Variants in ADGRL2 observed in about 807,000 individuals in gnomAD.
ADGRL2 encodes adhesion G protein-coupled receptor L2, also known as calcium-independent alpha-latrotoxin receptor 2.
ADGRL2 carries 44 observed loss-of-function variants against 157.4 expected under a neutral mutation model. The ratio of observed to expected loss-of-function variants is 0.28; its 90% CI spans 0.22 to 0.36. ADGRL2 has a LOEUF of 0.36. ADGRL2 is among the 10% of genes least tolerant of loss of function. The pLI is 1.00. For missense variants in ADGRL2, 1,510 were observed against 1,768.9 expected, an observed-to-expected ratio of 0.85 and a Z score of 2.63; for synonymous variants, 585 against 624.7, an observed-to-expected ratio of 0.94 and a Z score of 0.95.
At chr1:81,462,577 G>A (rs1004445894) in intron 2 of ADGRL2, among the ~76,000 whole-genome samples, 6 of 152,080 alleles carry the variant, frequency 3.9e-5, no homozygotes, top group South Asian at 4.1e-4. Flanking sequence ...CAAACAATGC[G>A]TGTGATGTAA....
intron 1 of ADGRL2, among the ~76,000 whole-genome samples, chr1:81,407,668 T>G (rs77172494): frequency 0.16 from 24,672 of 152,196 alleles, 2,260 homozygotes; most frequent in South Asian, 0.28. Flanking sequence ...AAAGCATGTA[T>G]AAAGCAGCAT....
At chr1:81,345,407 C>T (rs964133806) in intron 1 of ADGRL2, among the ~76,000 whole-genome samples, 2 of 152,196 alleles carry the variant, frequency 1.3e-5, no homozygotes, top group Non-Finnish European at 2.9e-5. Flanking sequence ...TAAAGAAACC[C>T]TCTGGCCAAA....
chr1:81,906,690 TTC>T (rs2094591417), intron 2 of ADGRL2, among the ~76,000 whole-genome samples: 1 of 151,886 alleles, frequency 6.6e-6, no homozygotes, highest in Admixed American at 6.6e-5. Flanking sequence ...TAGTTATATT[TTC>T]TGTTTGTAAA....
At chr1:81,556,121 A>T (rs747412605) in intron 2 of ADGRL2, among the ~76,000 whole-genome samples, 1 of 152,072 alleles carries the variant, frequency 6.6e-6, no homozygotes. Context: ...CTTCTGACTT[A>T]TTTACCAAAA....
chr1:81,957,185 A>T (rs1481052184), intron 11 of ADGRL2, among the ~76,000 whole-genome samples: 5 of 20,104 alleles, frequency 2.5e-4, no homozygotes, highest in South Asian at 1.9e-3. Context: ...GAAAATTATT[A>T]AAAAAAAAAA....
At chr1:81,498,870 G>GA (rs200657921) in intron 2 of ADGRL2, among the ~76,000 whole-genome samples, 2,738 of 151,824 alleles carry the variant, frequency 0.018, 82 homozygotes, top group African/African-American at 0.06. Context: ...CAATAAGAAA[G>GA]AAAAAAAATG....
chr1:81,824,378 G>A (rs770139123), intron 1 of ADGRL2, among the ~76,000 whole-genome samples: 4 of 151,800 alleles, frequency 2.6e-5, no homozygotes, highest in African/African-American at 9.7e-5. Flanking sequence ...GGGCTCAAGC[G>A]ATCCTTCCAT....
At chr1:81,405,758 C>G (rs1321312091) in intron 1 of ADGRL2, among the ~76,000 whole-genome samples, 2 of 151,768 alleles carry the variant, frequency 1.3e-5, no homozygotes, top group African/African-American at 4.8e-5. Flanking sequence ...AGTTTAAAAT[C>G]AGTTGAACAG....
chr1:81,683,726 C>A (rs1452860623), intron 3 of ADGRL2, among the ~76,000 whole-genome samples: 1 of 151,898 alleles, frequency 6.6e-6, no homozygotes, highest in Non-Finnish European at 1.5e-5. Flanking sequence ...CATTCATTGA[C>A]CGATGGGCAT....
In ADGRL2 at chr1:81,640,501, G is replaced by A. The variant is rs907078851; in HGVS notation, c.-143+59521G>A. Among the ~76,000 whole-genome samples, 8 of 151,928 alleles carry A rather than the reference G, an allele frequency of 5.3e-5. No homozygotes were observed. In the East Asian group the frequency reaches 7.7e-4, roughly 15 times the overall value. ...CAAAAAATTAGCTGGGCGTGGTGGC[G>A]GGTGCCTGTAGTCCCAGCTACTTGG... On this transcript the variant is annotated intron_variant, in intron 3 of 24. Coordinates refer to the ADGRL2 transcript ENST00000370721.
At chr1:81,689,946 A>G (rs998490615) in intron 3 of ADGRL2, among the ~76,000 whole-genome samples, 6 of 152,256 alleles carry the variant, frequency 3.9e-5, no homozygotes, top group African/African-American at 1.4e-4. Context: ...CTCTCTCCCA[A>G]TCTGGAACTC....
At chr1:81,679,612 C>G (rs947898741) in intron 3 of ADGRL2, among the ~76,000 whole-genome samples, 16 of 152,188 alleles carry the variant, frequency 1.1e-4, no homozygotes, top group African/African-American at 3.4e-4. Flanking sequence ...CCAGGAGGCC[C>G]TGGAACCTTA....
intron 3 of ADGRL2, among the ~76,000 whole-genome samples, chr1:81,669,099 AG>A (rs1191011663): frequency 6.6e-6 from 1 of 152,068 alleles, no homozygotes; most frequent in East Asian, 1.9e-4. Flanking sequence ...TTCTAGTTTC[AG>A]GTGGATTTGT....
At chr1:81,351,372 T>C (rs1390142244) in intron 1 of ADGRL2, among the ~76,000 whole-genome samples, 1 of 152,114 alleles carries the variant, frequency 6.6e-6, no homozygotes. Context: ...CATTTTGAAA[T>C]ATAACGTGTA....
chr1:81,818,035 G>A (rs1482971615), intron 1 of ADGRL2, among the ~76,000 whole-genome samples: 5 of 151,964 alleles, frequency 3.3e-5, no homozygotes, highest in Admixed American at 6.6e-5. Flanking sequence ...AATAGCCAGC[G>A]GGGTGGTGCG....
chr1:81,346,448 C>G (rs1466691674), intron 1 of ADGRL2, among the ~76,000 whole-genome samples: 2 of 152,148 alleles, frequency 1.3e-5, no homozygotes, highest in African/African-American at 4.8e-5. Context: ...TCAGAGGCTA[C>G]TATTAACTTG....
intron 1 of ADGRL2, among the ~76,000 whole-genome samples, chr1:81,412,014 G>A (rs542468272): frequency 6.6e-6 from 1 of 152,148 alleles, no homozygotes; most frequent in East Asian, 1.9e-4. Flanking sequence ...TTTAACCAAG[G>A]GAAAAATACT....
intron 3 of ADGRL2, among the ~76,000 whole-genome samples, chr1:81,669,502 G>A (rs1321665187): frequency 6.6e-6 from 1 of 152,092 alleles, no homozygotes; most frequent in African/African-American, 2.4e-5. Flanking sequence ...CTGTGTTTCA[G>A]TCACATAATT....
At chr1:81,622,850 G>T (rs532976789) in intron 3 of ADGRL2, among the ~76,000 whole-genome samples, 1 of 152,202 alleles carries the variant, frequency 6.6e-6, no homozygotes, top group African/African-American at 2.4e-5. Flanking sequence ...TGTTAATTTT[G>T]TTACTATTCT....
Sources: gnomAD v4.1 joint callset for allele counts (sites outside exome capture counted in the v4.1 genomes callset) on GRCh38, gnomAD v4.1.1 for gene constraint, MANE v1.5 for transcripts, NCBI Gene and HGNC (gene_info 2026-07-23, HGNC 2026-07-21) for gene names.